Variants in MDGA2 observed in about 807,000 individuals in gnomAD.
MDGA2 encodes the protein MAM domain containing glycosylphosphatidylinositol anchor 2, also known as MAM domain-containing glycosylphosphatidylinositol anchor protein 2.
A neutral mutation model predicts 117.8 loss-of-function variants in MDGA2; 40 were observed. The ratio of observed to expected loss-of-function variants is 0.34; its 90% CI spans 0.26 to 0.44. MDGA2 has a LOEUF of 0.44. Among genes scored for constraint, MDGA2 ranks in the 20% least tolerant of loss-of-function variants. MDGA2 has a pLI of 1.00. For synonymous variants in MDGA2, 452 were observed against 439.0 expected (o/e 1.03, Z -0.37); for missense variants, 1,123 against 1,250.6 (o/e 0.90, Z 1.54).
intron 1 of MDGA2, among the ~76,000 whole-genome samples, chr14:47,306,550 G>A (rs147035212): frequency 3.7e-4 from 56 of 152,282 alleles, no homozygotes; most frequent in Non-Finnish European, 7.1e-4. Flanking sequence ...CTTCAAGTAA[G>A]AGCCTGGTTT....
rs372007020 is a variant in MDGA2 at position 47,627,782 on chromosome 14, C to G, written c.280+46735G>C. The stretch of plus-strand genomic sequence containing the variant: ...TGTTCTTTTGTTCTTTGCAATAAAT[C>G]TTGCTGCTGCTCACTCTTTGGGTCC... On this transcript the variant is annotated intron_variant, in intron 1 of 16. Coordinates refer to ENST00000399232, the MANE Select transcript of MDGA2 (RefSeq NM_001113498.3). Among the ~76,000 whole-genome samples, 1,060 of 152,250 alleles carry G rather than the reference C, an allele frequency of 7.0e-3. 12 individuals carry two copies. Among genetic ancestry groups the G allele is most frequent in the Middle Eastern group, 0.014 (4 of 294 alleles).
intron 2 of MDGA2, among the ~76,000 whole-genome samples, chr14:47,283,218 G>A (rs1888560554): frequency 6.6e-6 from 1 of 151,826 alleles, no homozygotes; most frequent in Non-Finnish European, 1.5e-5. Context: ...TTGAGGGAAA[G>A]GGCAATAAGT....
intron 1 of MDGA2, among the ~76,000 whole-genome samples, chr14:47,445,694 C>G (rs1893107255): frequency 6.6e-6 from 1 of 151,978 alleles, no homozygotes; most frequent in Admixed American, 6.6e-5. Flanking sequence ...CAGAGAGGGA[C>G]AGCAATAAGA....
chr14:46,908,629 T>C (rs1055357059), intron 10 of MDGA2, among the ~76,000 whole-genome samples: 1 of 152,116 alleles, frequency 6.6e-6, no homozygotes. Flanking sequence ...ACATAATACA[T>C]CCTCAAAATA....
chr14:47,469,889 T>G (rs993354091), intron 1 of MDGA2, among the ~76,000 whole-genome samples: 1 of 152,296 alleles, frequency 6.6e-6, no homozygotes, highest in South Asian at 2.1e-4. Context: ...AAGGGCAGCC[T>G]GAAAGCTAAA....
intron 7 of MDGA2, among the ~76,000 whole-genome samples, chr14:47,060,757 A>T (rs1370528040): frequency 2.0e-5 from 3 of 152,100 alleles, no homozygotes. Flanking sequence ...AAAAAATCAC[A>T]TCTGACTACA....
intron 1 of MDGA2, among the ~76,000 whole-genome samples, chr14:47,374,913 C>T (rs1479470682): frequency 2.0e-5 from 3 of 151,894 alleles, no homozygotes; most frequent in Non-Finnish European, 4.4e-5. Flanking sequence ...TTTCTTTAAA[C>T]CTGACCTTAT....
chr14:46,892,516 A>G (rs1882922111), intron 10 of MDGA2, among the ~76,000 whole-genome samples: 1 of 152,012 alleles, frequency 6.6e-6, no homozygotes, highest in African/African-American at 2.4e-5. Context: ...GGACTACATC[A>G]AACTAAAAAG....
In MDGA2 at chr14:46,884,362, C is replaced by G. The variant is rs544255243; in HGVS notation, c.2239-2141G>C. On this transcript the variant is annotated intron_variant, in intron 10 of 16. Coordinates refer to ENST00000399232, the MANE Select transcript of MDGA2 (RefSeq NM_001113498.3). The surrounding 1 kb of genome is among the most constrained non-coding windows in gnomAD (Gnocchi z 4.1). Reference sequence around the variant, plus strand: ...AATGCCATTTTCCCTTGGATTTTTACGTAGTACTTTCTCTATGTACACACA... The same window carrying G: ...AATGCCATTTTCCCTTGGATTTTTAGGTAGTACTTTCTCTATGTACACACA... 6.6e-6 allele frequency among the ~76,000 whole-genome samples: 1 copy of G among 152,094 alleles called. No individual in the cohort carries two copies. Among genetic ancestry groups the G allele is most frequent in the African/African-American group, 2.4e-5 (1 of 41,424 alleles).
rs898119705 is a variant in MDGA2, at chr14:46,840,266, C to T, written c.*1665G>A. The T allele has an allele frequency of 6.6e-6, 1 of 152,378 alleles. No homozygotes were observed. Among genetic ancestry groups the T allele is most frequent in the East Asian group, 1.9e-4 (1 of 5,194 alleles). 9.4% of individuals were successfully genotyped at this position (152,378 alleles called of 1,614,324 possible). On this transcript the variant is annotated 3_prime_UTR_variant, in exon 17 of 17. Coordinates refer to ENST00000399232, the MANE Select transcript of MDGA2 (RefSeq NM_001113498.3). The stretch of plus-strand genomic sequence containing the variant: ...TATTTGCAAATGCTATAATTTAATA[C>T]TTATATTCCAATTGCTTGCATAATC...
At chr14:47,534,499 T>C (rs974295551) in intron 1 of MDGA2, among the ~76,000 whole-genome samples, 3 of 152,140 alleles carry the variant, frequency 2.0e-5, no homozygotes, top group Non-Finnish European at 2.9e-5. Context: ...GAAGCAGGCA[T>C]GTCTTACATA....
At chr14:47,542,881 T>C (rs1018870900) in intron 1 of MDGA2, among the ~76,000 whole-genome samples, 7 of 152,194 alleles carry the variant, frequency 4.6e-5, no homozygotes, top group Admixed American at 4.6e-4. Flanking sequence ...AACTGGATAA[T>C]ACAAAGATGT....
chr14:47,179,204 C>T (rs1037055628), intron 3 of MDGA2, among the ~76,000 whole-genome samples: 4 of 151,990 alleles, frequency 2.6e-5, no homozygotes, highest in African/African-American at 9.7e-5. Flanking sequence ...ATAATAATTA[C>T]ATGTGTACAA....
chr14:47,478,779 AGAGATT>A (rs902184778), intron 1 of MDGA2, among the ~76,000 whole-genome samples: 11 of 152,204 alleles, frequency 7.2e-5, no homozygotes, highest in Non-Finnish European at 1.2e-4. Context: ...CCTGTGAGTT[AGAGATT>A]AAGTGGAGAA....
chr14:47,323,405 C>G (rs1026924546), intron 1 of MDGA2, among the ~76,000 whole-genome samples: 1 of 151,708 alleles, frequency 6.6e-6, no homozygotes, highest in Non-Finnish European at 1.5e-5. Flanking sequence ...GCAGGAAGAT[C>G]ACTAGAGGTC....
At chr14:46,997,036 A>C (rs1160717064) in intron 8 of MDGA2, 1 of 289,672 alleles carries the variant, frequency 3.5e-6, no homozygotes, top group Non-Finnish European at 6.6e-6. Flanking sequence ...GGTTTGCCCA[A>C]GGTTTGAAAG....
At chr14:47,307,418 T>C (rs551050406) in intron 1 of MDGA2, among the ~76,000 whole-genome samples, 11 of 152,308 alleles carry the variant, frequency 7.2e-5, no homozygotes, top group Admixed American at 4.6e-4. Flanking sequence ...TGGTGGCTTA[T>C]GCCTGTAATC....
chr14:47,427,666 G>A (rs7148160), intron 1 of MDGA2, among the ~76,000 whole-genome samples: 56,406 of 151,912 alleles, frequency 0.37, 10,570 homozygotes, highest in South Asian at 0.56. Flanking sequence ...GGTCAAAAAA[G>A]AAGAACCACT....
chr14:47,533,440 T>C (rs1366219262), intron 1 of MDGA2, among the ~76,000 whole-genome samples: 1 of 152,156 alleles, frequency 6.6e-6, no homozygotes, highest in Non-Finnish European at 1.5e-5. Context: ...ACAAGTAAAA[T>C]TCCAATCTGA....
Sources: allele counts gnomAD v4.1 joint callset (sites outside exome capture counted in the v4.1 genomes callset), GRCh38; gene constraint gnomAD v4.1.1; non-coding constraint Gnocchi (gnomAD v3.1); transcripts MANE v1.5; gene names NCBI Gene and HGNC (gene_info 2026-07-23, HGNC 2026-07-21).